Variants in MYO18A observed in about 807,000 individuals in gnomAD.
The protein encoded by MYO18A is unconventional myosin-XVIIIa.
Under a neutral mutation model 235.8 loss-of-function variants are expected in MYO18A, and 78 were observed. That is an observed-to-expected ratio of 0.33 (90% confidence interval 0.28 to 0.40). MYO18A has a LOEUF of 0.40. Ranked by LOEUF, MYO18A falls within the 10% of genes least tolerant of loss-of-function variation. The pLI is 1.00. For synonymous variants in MYO18A, 977 were observed against 1,077.8 expected, an observed-to-expected ratio of 0.91 and a Z score of 1.83; for missense variants, 2,215 against 2,699.3, an observed-to-expected ratio of 0.82 and a Z score of 3.98.
At chr17:29,075,011 C>G in intron 41 of MYO18A, 97 bp from the exon 42 acceptor site, 1 of 1,471,142 alleles carries the variant, frequency 6.8e-7, no homozygotes, top group Non-Finnish European at 9.3e-7. Flanking sequence ...TGCGTCAGAG[C>G]ACTCCCCAAA....
chr17:29,090,511 G>A, intron 36 of MYO18A, 21 bp downstream of exon 36: 5 of 1,570,522 alleles, frequency 3.2e-6, no homozygotes, highest in Non-Finnish European at 4.3e-6. Flanking sequence ...TCTCTCTCCT[G>A]AGGGAGCCCC....
At chr17:29,161,153 G>A (rs930732205) in intron 2 of MYO18A, among the ~76,000 whole-genome samples, 6 of 152,108 alleles carry the variant, frequency 3.9e-5, no homozygotes, top group Admixed American at 2.6e-4. Context: ...TCAGGAGTTC[G>A]AGACCAGCCT....
chr17:29,093,179 A>C (rs1450481375), intron 32 of MYO18A, 144 bp downstream of exon 32: 1 of 1,069,558 alleles, frequency 9.3e-7, no homozygotes, highest in African/African-American at 1.6e-5. Context: ...TGATGCCCCC[A>C]TCCCACAAGG....
At chr17:29,141,919 G>A (rs905173434) in intron 2 of MYO18A, among the ~76,000 whole-genome samples, 5 of 152,250 alleles carry the variant, frequency 3.3e-5, no homozygotes, top group African/African-American at 1.2e-4. Context: ...TGGTCTGGGA[G>A]CAGGGGCCTG....
intron 1 of MYO18A, among the ~76,000 whole-genome samples, chr17:29,176,293 GT>G (rs2068524754): frequency 6.6e-6 from 1 of 152,110 alleles, no homozygotes; most frequent in Non-Finnish European, 1.5e-5. Flanking sequence ...AAAAGTTTCA[GT>G]GGCTTGGGGG....
chr17:29,092,305 GC>G, intron 34 of MYO18A, 37 bp downstream of exon 34: 1 of 1,512,602 alleles, frequency 6.6e-7, no homozygotes, highest in Non-Finnish European at 9.1e-7. Context: ...TTCTGCCTCA[GC>G]CCCCCGAGCT....
At chr17:29,164,955 G>A (rs2068248799) in intron 2 of MYO18A, among the ~76,000 whole-genome samples, 1 of 152,188 alleles carries the variant, frequency 6.6e-6, no homozygotes, top group Non-Finnish European at 1.5e-5. Flanking sequence ...CCTTCCAGGA[G>A]AGGTAATAAA....
At position 29,094,859 on chromosome 17, in the gene MYO18A, A is replaced by G. The variant is rs756444176; in HGVS notation, c.4510-9T>C. 1.2e-6 allele frequency: 2 copies of G among 1,613,910 alleles called. No individual in the cohort carries two copies. Among genetic ancestry groups the G allele is most frequent in the East Asian group, 2.2e-5 (1 of 44,892 alleles). On this transcript the variant is annotated splice_polypyrimidine_tract_variant and intron_variant, in intron 29 of 41. Coordinates refer to ENST00000527372, the MANE Select transcript of MYO18A (RefSeq NM_078471.4). ...ATGTCCATGTCTTTTTCCTGGAGCAAAAGAGATGAGGCTGGTGCAGGGCTG... is the reference window on the plus strand; with the variant it reads ...ATGTCCATGTCTTTTTCCTGGAGCAGAAGAGATGAGGCTGGTGCAGGGCTG...
intron 2 of MYO18A, among the ~76,000 whole-genome samples, chr17:29,152,981 C>A (rs1451082879): frequency 6.6e-6 from 1 of 152,150 alleles, no homozygotes; most frequent in Non-Finnish European, 1.5e-5. Flanking sequence ...TCCCAAAGCA[C>A]TGGGATTACA....
intron 1 of MYO18A, among the ~76,000 whole-genome samples, chr17:29,173,577 C>T (rs1177419991): frequency 2.0e-5 from 3 of 151,356 alleles, no homozygotes; most frequent in Non-Finnish European, 4.4e-5. Flanking sequence ...TTAGTAGAGA[C>T]GGGGTTTCAC....
At position 29,073,986 on chromosome 17, in the gene MYO18A, T is replaced by A. The variant is rs971162115; in HGVS notation, c.*784A>T. ...TTTACCTTAAATAGGTCATTGCACA[T>A]AACACGCTGAGACAAAGAGGGTGGG... is the stretch of plus-strand genomic sequence containing the variant. On this transcript the variant is annotated 3_prime_UTR_variant, in exon 42 of 42. Coordinates refer to ENST00000527372, the MANE Select transcript of MYO18A (RefSeq NM_078471.4). The A allele has an allele frequency of 1.2e-5, 19 of 1,613,544 alleles. No homozygotes were observed. Among genetic ancestry groups the A allele is most frequent in the Non-Finnish European group, 1.6e-5 (19 of 1,179,906 alleles).
rs769691129 is a variant in MYO18A at position 29,115,000 on chromosome 17, G to A, written c.2418C>T (p.Ser806=). The part of the protein sequence containing the change: ...PEQGGSARGA[S]FEELCHNYTQ... ...TGTAGTTGTGGCACAGCTCCTCAAA[G>A]GAGGCTCCGCGGGCTGACCCACCCT... The change falls in exon 14 of 42, where the codon TCC becomes TCT. Residue 806 remains serine, a synonymous_variant. Coordinates refer to ENST00000527372, the MANE Select transcript of MYO18A (RefSeq NM_078471.4). 5.0e-6 allele frequency: 8 copies of A among 1,614,028 alleles called. No homozygotes were observed. Among genetic ancestry groups the A allele is most frequent in the African/African-American group, 2.7e-5 (2 of 75,076 alleles).
At chr17:29,096,740 C>T in intron 28 of MYO18A, 21 bp downstream of exon 28, 1 of 1,577,130 alleles carries the variant, frequency 6.3e-7, no homozygotes, top group Non-Finnish European at 8.6e-7. Context: ...TCTCTGGGCC[C>T]AGGGCAGGGG....
chr17:29,100,022 G>A (rs1023662628), intron 21 of MYO18A, among the ~76,000 whole-genome samples: 19 of 152,130 alleles, frequency 1.2e-4, no homozygotes, highest in African/African-American at 1.7e-4. Context: ...GATGAAAGGA[G>A]AGGGAAGGTA....
chr17:29,129,216 A>T lies in MYO18A; in HGVS notation c.1000-6963T>A, dbSNP rs73268386. 6,106 of 854,744 alleles carry T rather than the reference A, an allele frequency of 7.1e-3. 218 individuals carry two copies. In the African/African-American group the frequency reaches 0.087, roughly 12 times the overall value. 52.9% of individuals were successfully genotyped at this position (854,744 alleles called of 1,614,324 possible). A position where few individuals can be genotyped will look rare whatever the true frequency, so the allele number is the denominator to read the frequency against. ...CGTCTGCGGCCACTGTCTGCCCTTC[A>T]TCTATGTTCTCAAGCACTGAGGAGC... On this transcript the variant is annotated intron_variant, in intron 2 of 41. Transcript: ENST00000527372.
rs1247302687 is a variant in MYO18A at position 29,126,925 on chromosome 17, C to G, written c.1000-4672G>C. Among the ~76,000 whole-genome samples the G allele has an allele frequency of 2.0e-5, 3 of 152,246 alleles. No individual in the cohort carries two copies. The highest frequency in any genetic ancestry group is 7.2e-5 in the African/African-American group (3 of 41,462). Reference sequence around the variant, plus strand: ...ATCCCAAGGGGCCCACTGTACCCATCTGCCATCCAAGCACAGGGCTCCTCA... The same window carrying G: ...ATCCCAAGGGGCCCACTGTACCCATGTGCCATCCAAGCACAGGGCTCCTCA... On this transcript the variant is annotated intron_variant, in intron 2 of 41. Coordinates refer to ENST00000527372, the MANE Select transcript of MYO18A (RefSeq NM_078471.4). The surrounding 1 kb of genome is among the most constrained non-coding windows in gnomAD (Gnocchi z 4.1).
chr17:29,107,203 C>G lies in MYO18A; in HGVS notation c.3332-14G>C. 1 of 1,613,466 alleles carries G rather than the reference C, an allele frequency of 6.2e-7. No individual in the cohort carries two copies. Among genetic ancestry groups the G allele is most frequent in the Non-Finnish European group, 8.5e-7 (1 of 1,179,464 alleles). On this transcript the variant is annotated splice_polypyrimidine_tract_variant and intron_variant, in intron 19 of 41. Coordinates refer to ENST00000527372, the MANE Select transcript of MYO18A (RefSeq NM_078471.4). ...GGTCAGGGTAACCTAGAGAGAGCAG[C>G]CCAGAGCCAGGCCTGTCAACGCCAC...
chr17:29,103,679 C>T lies in MYO18A; in HGVS notation c.3442-15G>A. On this transcript the variant is annotated splice_polypyrimidine_tract_variant and intron_variant, in intron 20 of 41. Coordinates refer to ENST00000527372, the MANE Select transcript of MYO18A (RefSeq NM_078471.4). ...TCCTCCACTGCCTGTGGAGAGAGGC[C>T]TCTGTCAGGCAGCCCGCCTGGGCCT... 1 of 1,613,498 alleles carries T rather than the reference C, an allele frequency of 6.2e-7. No homozygotes were observed. Among genetic ancestry groups the T allele is most frequent in the Non-Finnish European group, 8.5e-7 (1 of 1,179,764 alleles).
Position 29,121,317 on chromosome 17 carries a change from T to G in MYO18A, c.1372-106A>C. 7.6e-7 allele frequency: 1 copy of G among 1,307,278 alleles called. No homozygotes were observed. The highest frequency in any genetic ancestry group is 1.5e-5 in the African/African-American group (1 of 68,082). 81.0% of individuals were successfully genotyped at this position (1,307,278 alleles called of 1,614,324 possible). A position where few individuals can be genotyped will look rare whatever the true frequency, so the allele number is the denominator to read the frequency against. On this transcript the variant is annotated intron_variant, in intron 5 of 41. Transcript: ENST00000527372. This position sits in a 1 kb window ranked among gnomAD's most constrained non-coding sequence, Gnocchi z 4.2. ...TCTTTCTGGATTTTCCCTCCTGTAG[T>G]GCCCAGGGATTCCAAGGCCAAGGCC...
Sources: gnomAD v4.1 joint callset for allele counts (sites outside exome capture counted in the v4.1 genomes callset) on GRCh38, gnomAD v4.1.1 for gene constraint, Gnocchi (gnomAD v3.1) non-coding constraint, MANE v1.5 for transcripts, NCBI Gene and HGNC (gene_info 2026-07-23, HGNC 2026-07-21) for gene names.